Variants in PAICS observed in about 807,000 individuals in gnomAD.
The protein encoded by PAICS is phosphoribosylaminoimidazole carboxylase and phosphoribosylaminoimidazolesuccinocarboxamide synthase, also known as bifunctional phosphoribosylaminoimidazole carboxylase/phosphoribosylaminoimidazole succinocarboxamide synthetase.
In PAICS, 33 loss-of-function variants were observed where a neutral mutation model predicts 53.7. The ratio of observed to expected loss-of-function variants is 0.61; its 90% CI spans 0.47 to 0.82. The LOEUF is 0.82. Among genes scored for constraint, PAICS ranks in the 40% least tolerant of loss-of-function variants. The pLI, the probability that PAICS is intolerant of heterozygous loss-of-function variation, is 0.00. For synonymous variants in PAICS, 141 were observed against 167.2 expected, an observed-to-expected ratio of 0.84 and a Z score of 1.21; for missense variants, 394 against 494.1, an observed-to-expected ratio of 0.80 and a Z score of 1.92.
intron 3 of PAICS, among the ~76,000 whole-genome samples, chr4:56,448,039 C>T (rs1276475850): frequency 1.4e-5 from 2 of 145,290 alleles, no homozygotes; most frequent in Non-Finnish European, 3.0e-5. Context: ...ATGGAGTCTC[C>T]CTCTGTTGCT....
At chr4:56,441,411 T>C (rs1055385140) in intron 1 of PAICS, among the ~76,000 whole-genome samples, 1 of 152,120 alleles carries the variant, frequency 6.6e-6, no homozygotes, top group Admixed American at 6.6e-5. Context: ...TGCATGACCC[T>C]CAACCCTTTT....
the PAICS span, chr4:56,421,756 G>C: frequency 2.6e-5 from 4 of 152,174 alleles, 1 homozygote; most frequent in Admixed American, 2.6e-4. Flanking sequence ...GATGACTACA[G>C]ATAAAGCAGC....
chr4:56,446,405 G>GT, intron 2 of PAICS: 1 of 717,758 alleles, frequency 1.4e-6, no homozygotes, highest in Non-Finnish European at 2.6e-6. Context: ...TGCATTTTGT[G>GT]TTTTTCATTT....
the PAICS span, chr4:56,421,841 C>T: frequency 6.6e-6 from 1 of 151,998 alleles, no homozygotes; most frequent in South Asian, 2.1e-4. Flanking sequence ...TTAGTTATGT[C>T]AGAAGACTTA....
chr4:56,438,284 G>A (rs1453967818), intron 1 of PAICS, among the ~76,000 whole-genome samples: 1 of 148,224 alleles, frequency 6.7e-6, no homozygotes, highest in Non-Finnish European at 1.5e-5. Context: ...CCAGAACATT[G>A]CTGGCTAATG....
chr4:56,413,893 A>G, the PAICS span, among the ~76,000 whole-genome samples: 2 of 152,216 alleles, frequency 1.3e-5, no homozygotes, highest in East Asian at 3.9e-4. Context: ...GTAAAACTCT[A>G]TCTCAAAATA....
At chr4:56,453,551 T>G (rs919981613) in intron 7 of PAICS, 52 bp from the exon 8 acceptor site, 9 of 1,299,958 alleles carry the variant, frequency 6.9e-6, no homozygotes, top group Non-Finnish European at 9.5e-6. Context: ...AAACCCTGTC[T>G]TTAAATCTGT....
chr4:56,440,742 A>G (rs1272798805), intron 1 of PAICS, among the ~76,000 whole-genome samples: 1 of 152,182 alleles, frequency 6.6e-6, no homozygotes, highest in Non-Finnish European at 1.5e-5. Context: ...GTCTTATTTA[A>G]TATCAGCTCC....
chr4:56,430,433 G>C, the PAICS span, among the ~76,000 whole-genome samples: 2 of 152,094 alleles, frequency 1.3e-5, no homozygotes, highest in African/African-American at 4.8e-5. Flanking sequence ...AGGTCTCTGC[G>C]AGGGCAGGGA....
At chr4:56,447,622 C>T (rs1235293706) in intron 3 of PAICS, among the ~76,000 whole-genome samples, 1 of 152,120 alleles carries the variant, frequency 6.6e-6, no homozygotes, top group Non-Finnish European at 1.5e-5. Flanking sequence ...GCCTTCCTGT[C>T]ATGTCTGATG....
chr4:56,439,082 C>T (rs1331453924), intron 1 of PAICS, among the ~76,000 whole-genome samples: 3 of 152,120 alleles, frequency 2.0e-5, no homozygotes, highest in African/African-American at 7.2e-5. Flanking sequence ...GTTGTTTCTA[C>T]CCATTAATTC....
intron 1 of PAICS, 132 bp downstream of exon 1, chr4:56,436,460 A>G (rs1426461651): frequency 1.2e-5 from 10 of 802,298 alleles, no homozygotes. Flanking sequence ...GCGGGCGCAC[A>G]CGTGGCCCAG....
chr4:56,448,635 T>C (rs1447435669), intron 4 of PAICS, 38 bp downstream of exon 4: 15 of 1,548,662 alleles, frequency 9.7e-6, no homozygotes, highest in Non-Finnish European at 1.3e-5. Context: ...CAACAGGATT[T>C]GAAAGTAAAG....
chr4:56,441,281 G>C lies in PAICS; in HGVS notation c.17-382G>C, dbSNP rs1381486490. ...TAGTATAGTTACATTACTTTAAGTG[G>C]GTCTTAATTAATTTTAATTCTAGTT... is the stretch of plus-strand genomic sequence containing the variant. On this transcript the variant is annotated intron_variant, in intron 1 of 8. Coordinates refer to ENST00000512576, the MANE Select transcript of PAICS (RefSeq NM_001079524.2). 3.9e-5 allele frequency among the ~76,000 whole-genome samples: 6 copies of C among 152,208 alleles called. No homozygotes were observed. In the East Asian group the frequency reaches 1.2e-3, roughly 29 times the overall value.
At position 56,449,975 on chromosome 4, in the gene PAICS, CAA is replaced by C. The variant is rs201486050; in HGVS notation, c.688-632_688-631del. 8.5e-3 allele frequency among the ~76,000 whole-genome samples: 975 copies of C among 114,332 alleles called. 13 individuals are homozygous for C. Among genetic ancestry groups the C allele is most frequent in the African/African-American group, 0.028 (906 of 32,354 alleles). 75.0% of individuals were successfully genotyped at this position (114,332 alleles called of 152,430 possible). ...GGTTGACAGAGCGAGACTCTGTCTC[CAA>C]AAAAAAAAAAAGAAAGAAAAAGAAT... On this transcript the variant is annotated intron_variant, in intron 5 of 8. Coordinates refer to ENST00000512576, the MANE Select transcript of PAICS (RefSeq NM_001079524.2).
upstream of PAICS, chr4:56,435,980 G>A (rs1717908910): frequency 6.6e-7 from 1 of 1,521,874 alleles, no homozygotes; most frequent in African/African-American, 1.4e-5. Flanking sequence ...GCCGGGGTAT[G>A]CGAGCTTCCG....
At chr4:56,453,485 C>G (rs1471342610) in intron 7 of PAICS, 118 bp from the exon 8 acceptor site, 6 of 546,834 alleles carry the variant, frequency 1.1e-5, no homozygotes, top group Non-Finnish European at 1.9e-5. Flanking sequence ...TCAGAGAAGA[C>G]TATTCAAGGA....
chr4:56,419,660 C>G, the PAICS span: 1 of 983,676 alleles, frequency 1.0e-6, no homozygotes, highest in African/African-American at 1.7e-5. Context: ...CAACTTTTAT[C>G]CCAACTGTAG....
At position 56,453,614 on chromosome 4, in the gene PAICS, C is replaced by T; in HGVS notation, c.964C>T (p.Pro322Ser). The T allele has an allele frequency of 1.0e-5, 16 of 1,592,352 alleles. No homozygotes were observed. Among genetic ancestry groups the T allele is most frequent in the Non-Finnish European group, 1.3e-5 (15 of 1,167,818 alleles). Residue 322 changes from proline to serine, a missense_variant, in exon 8 of 9, where the codon CCT becomes TCT. Physicochemically the swap from Pro to Ser is moderately conservative, Grantham distance 74. Coordinates refer to ENST00000512576, the MANE Select transcript of PAICS (RefSeq NM_001079524.2). ...IKAEYEGDGI[P>S]TVFVAVAGRS... The stretch of plus-strand genomic sequence containing the variant: ...TGTCATTTCCCTAGGGGATGGCATT[C>T]CTACTGTATTTGTGGCAGTGGCAGG...
Sources: gnomAD v4.1 joint callset for allele counts (sites outside exome capture counted in the v4.1 genomes callset) on GRCh38, gnomAD v4.1.1 for gene constraint, MANE v1.5 for transcripts, NCBI Gene and HGNC (gene_info 2026-07-23, HGNC 2026-07-21) for gene names.